SLC18A1: variants seen among roughly 807,000 people sequenced by gnomAD.
SLC18A1 encodes the protein chromaffin granule amine transporter.
A neutral mutation model predicts 53.7 loss-of-function variants in SLC18A1; 69 were observed. That is an observed-to-expected ratio of 1.28 (90% CI 1.06 to 1.57). The LOEUF (loss-of-function observed/expected upper bound fraction) is 1.57, where lower values mean the gene tolerates loss of function less well. SLC18A1 is among the 40% of genes most tolerant of loss of function. The pLI is 0.00. For synonymous variants in SLC18A1, 320 were observed against 248.1 expected, an observed-to-expected ratio of 1.29 and a Z score of -2.72; for missense variants, 932 against 668.1, an observed-to-expected ratio of 1.40 and a Z score of -4.35.
At chr8:20,177,618 C>T (rs542594780) in intron 4 of SLC18A1, among the ~76,000 whole-genome samples, 2 of 152,154 alleles carry the variant, frequency 1.3e-5, no homozygotes, top group Non-Finnish European at 2.9e-5. Context: ...TGCACGTGTA[C>T]CCTAGAACTT....
intron 10 of SLC18A1, among the ~76,000 whole-genome samples, chr8:20,163,749 T>C (rs2071886726): frequency 6.6e-6 from 1 of 152,324 alleles, no homozygotes; most frequent in Non-Finnish European, 1.5e-5. Flanking sequence ...GATGTAGTTG[T>C]TGGACAACCT....
intron 10 of SLC18A1, among the ~76,000 whole-genome samples, chr8:20,160,964 G>T (rs6986004): frequency 0.26 from 39,819 of 152,012 alleles, 5,765 homozygotes; most frequent in East Asian, 0.37. Context: ...TATTCATAAA[G>T]GTGGTGCCCC....
chr8:20,178,705 A>T (rs1041760436), intron 3 of SLC18A1, among the ~76,000 whole-genome samples: 1 of 152,192 alleles, frequency 6.6e-6, no homozygotes, highest in Admixed American at 6.5e-5. Context: ...CAGGGCCAAA[A>T]TTCTCATTTC....
chr8:20,162,667 C>T (rs1480641104), intron 10 of SLC18A1, among the ~76,000 whole-genome samples: 1 of 152,208 alleles, frequency 6.6e-6, no homozygotes. Context: ...ATGGCCTTTA[C>T]TCTAGTGTCC....
chr8:20,174,509 A>C, intron 4 of SLC18A1, 65 bp from the exon 5 acceptor site: 1 of 1,045,312 alleles, frequency 9.6e-7, no homozygotes. Flanking sequence ...CAGCCGCCAG[A>C]GAACATGCCC....
intron 8 of SLC18A1, among the ~76,000 whole-genome samples, chr8:20,167,298 T>G (rs941102777): frequency 3.3e-5 from 5 of 152,208 alleles, no homozygotes; most frequent in Non-Finnish European, 5.9e-5. Flanking sequence ...TGAAAAGTCT[T>G]GAATATTTCT....
intron 8 of SLC18A1, 87 bp from the exon 9 acceptor site, chr8:20,165,194 G>GTCTCTAA: frequency 1.7e-6 from 2 of 1,186,018 alleles, no homozygotes; most frequent in Non-Finnish European, 2.5e-6. Flanking sequence ...TACAATTATG[G>GTCTCTAA]GCTTAGAGAC....
chr8:20,179,832 A>G (rs2072374873), intron 2 of SLC18A1, among the ~76,000 whole-genome samples: 1 of 152,184 alleles, frequency 6.6e-6, no homozygotes, highest in Non-Finnish European at 1.5e-5. Flanking sequence ...TTAGATTGAC[A>G]TGTAACCCCC....
chr8:20,148,128 G>A lies in SLC18A1; in HGVS notation c.1147-58C>T. On this transcript the variant is annotated intron_variant, in intron 12 of 15. Coordinates refer to ENST00000276373, the MANE Select transcript of SLC18A1 (RefSeq NM_003053.4). ...TCCAGATGGGTCAGGTGGGAGCAAG[G>A]TTCAAAGAGTTTTCACATGAAATGC... 3.4e-6 allele frequency: 5 copies of A among 1,464,416 alleles called. No individual in the cohort carries two copies. The South Asian group carries it at 5.7e-5, about 17-fold the overall frequency. 90.7% of individuals were successfully genotyped at this position (1,464,416 alleles called of 1,614,324 possible). A position where few individuals can be genotyped will look rare whatever the true frequency, so the allele number is the denominator to read the frequency against.
At position 20,145,761 on chromosome 8, in the gene SLC18A1, T is replaced by G; in HGVS notation, c.*2A>C. On this transcript the variant is annotated 3_prime_UTR_variant, in exon 16 of 16. Coordinates refer to ENST00000276373, the MANE Select transcript of SLC18A1 (RefSeq NM_003053.4). ...CATGAATTCAAGGAGCACCTTCTGCTGCTACTCCTCATGGTCAGGCTCCTC... is the reference window on the plus strand; with the variant it reads ...CATGAATTCAAGGAGCACCTTCTGCGGCTACTCCTCATGGTCAGGCTCCTC... The G allele has an allele frequency of 1.3e-6, 2 of 1,592,602 alleles. No individual in the cohort carries two copies. The highest frequency in any genetic ancestry group is 1.7e-6 in the Non-Finnish European group (2 of 1,164,840).
chr8:20,156,922 C>A (rs1418366747), intron 10 of SLC18A1, among the ~76,000 whole-genome samples: 1 of 152,186 alleles, frequency 6.6e-6, no homozygotes, highest in Non-Finnish European at 1.5e-5. Context: ...CAGCCCAGCT[C>A]AAGAACTCAC....
intron 11 of SLC18A1, among the ~76,000 whole-genome samples, chr8:20,150,177 G>A (rs558471884): frequency 3.3e-5 from 5 of 152,128 alleles, no homozygotes; most frequent in African/African-American, 1.2e-4. Context: ...CTAAAATCTT[G>A]ATGCTAAACT....
At chr8:20,178,147 CACA>C (rs2072298522) in intron 4 of SLC18A1, among the ~76,000 whole-genome samples, 2 of 151,840 alleles carry the variant, frequency 1.3e-5, no homozygotes, top group Admixed American at 6.6e-5. Flanking sequence ...CACACACACA[CACA>C]CCCCGTAGCA....
chr8:20,179,831 C>T (rs908369850), intron 2 of SLC18A1, among the ~76,000 whole-genome samples: 7 of 152,172 alleles, frequency 4.6e-5, no homozygotes, highest in South Asian at 2.1e-4. Flanking sequence ...CTTAGATTGA[C>T]ATGTAACCCC....
intron 10 of SLC18A1, among the ~76,000 whole-genome samples, chr8:20,153,974 G>T (rs532796625): frequency 6.6e-6 from 1 of 152,140 alleles, no homozygotes; most frequent in Non-Finnish European, 1.5e-5. Flanking sequence ...TGAATCCCTC[G>T]TGAATGGCGT....
intron 12 of SLC18A1, chr8:20,148,427 T>G (rs1164505290): frequency 2.3e-6 from 3 of 1,289,114 alleles, no homozygotes; most frequent in Non-Finnish European, 3.0e-6. Flanking sequence ...AAACATACAC[T>G]CCTGGTCTCA....
intron 7 of SLC18A1, 97 bp downstream of exon 7, chr8:20,171,308 C>A: frequency 7.5e-7 from 1 of 1,330,976 alleles, no homozygotes; most frequent in Non-Finnish European, 1.1e-6. Flanking sequence ...AAAACATGTC[C>A]AAACCGCCCA....
At chr8:20,173,967 G>C (rs1230538328) in intron 5 of SLC18A1, among the ~76,000 whole-genome samples, 2 of 150,844 alleles carry the variant, frequency 1.3e-5, no homozygotes, top group Non-Finnish European at 2.9e-5. Flanking sequence ...CACAATCATG[G>C]CTCACTGCAG....
intron 4 of SLC18A1, 101 bp from the exon 5 acceptor site, chr8:20,174,545 T>C (rs1431086445): frequency 1.6e-5 from 12 of 736,604 alleles, no homozygotes; most frequent in Non-Finnish European, 2.9e-5. Flanking sequence ...TGAGTCTTGA[T>C]GCATATGTTT....
Sources: allele counts gnomAD v4.1 joint callset (sites outside exome capture counted in the v4.1 genomes callset), GRCh38; gene constraint gnomAD v4.1.1; transcripts MANE v1.5; gene names NCBI Gene and HGNC (gene_info 2026-07-23, HGNC 2026-07-21).